OR51B5: variants seen among roughly 807,000 people sequenced by gnomAD.
OR51B5 encodes olfactory receptor 51B5.
For synonymous variants in OR51B5, 186 were observed against 144.8 expected (o/e 1.28, Z -2.04); for missense variants, 456 against 374.6 (o/e 1.22, Z -1.79).
intron 1 of OR51B5, among the ~76,000 whole-genome samples, chr11:5,465,221 A>AG (rs1851121638): frequency 6.6e-6 from 1 of 150,514 alleles, no homozygotes; most frequent in East Asian, 1.9e-4. Context: ...AAAAAAAAAA[A>AG]AAAAAAAAAG....
intron 1 of OR51B5, among the ~76,000 whole-genome samples, chr11:5,444,713 C>T (rs144033720): frequency 7.2e-4 from 110 of 152,192 alleles, no homozygotes; most frequent in African/African-American, 2.4e-3. Context: ...ATGAGCCCTC[C>T]AGAACACCAA....
At chr11:5,369,412 C>A (rs976896788) in intron 1 of OR51B5, among the ~76,000 whole-genome samples, 1 of 152,060 alleles carries the variant, frequency 6.6e-6, no homozygotes, top group African/African-American at 2.4e-5. Flanking sequence ...AGAATTACAT[C>A]TATTATACCT....
At chr11:5,376,604 C>T (rs185376145) in intron 1 of OR51B5, among the ~76,000 whole-genome samples, 4 of 151,886 alleles carry the variant, frequency 2.6e-5, no homozygotes, top group Admixed American at 2.0e-4. Flanking sequence ...CAAATAGACA[C>T]AATAAAAAAA....
At chr11:5,445,498 A>G (rs1389176322) in intron 1 of OR51B5, among the ~76,000 whole-genome samples, 4 of 152,068 alleles carry the variant, frequency 2.6e-5, no homozygotes, top group Non-Finnish European at 4.4e-5. Context: ...AAACAGATAA[A>G]AACAGATTTT....
At chr11:5,380,774 T>C (rs552966558) in intron 1 of OR51B5, among the ~76,000 whole-genome samples, 1 of 152,300 alleles carries the variant, frequency 6.6e-6, no homozygotes, top group South Asian at 2.1e-4. Context: ...AAGATCATCC[T>C]CAAAGGAAGA....
chr11:5,363,297 A>G (rs918703989), intron 1 of OR51B5, among the ~76,000 whole-genome samples: 41 of 146,308 alleles, frequency 2.8e-4, no homozygotes, highest in African/African-American at 9.6e-4. Flanking sequence ...CGGTGAGTGG[A>G]CAGACATCGT....
intron 1 of OR51B5, among the ~76,000 whole-genome samples, chr11:5,414,026 C>G (rs1850193302): frequency 6.7e-6 from 1 of 149,296 alleles, no homozygotes; most frequent in South Asian, 2.2e-4. Flanking sequence ...TTAAGGGCAG[C>G]CAGAGAGAAA....
At chr11:5,424,835 A>G (rs1850419232) in intron 1 of OR51B5, among the ~76,000 whole-genome samples, 1 of 104,878 alleles carries the variant, frequency 9.5e-6, no homozygotes. Flanking sequence ...AGAAAAAATT[A>G]GCCGGGCGTG....
At chr11:5,415,025 G>A (rs1850217646) in intron 1 of OR51B5, among the ~76,000 whole-genome samples, 1 of 152,040 alleles carries the variant, frequency 6.6e-6, no homozygotes. Context: ...ATAGTTGGCA[G>A]TAAAGCTCTC....
chr11:5,499,140 T>A (rs1370070759), intron 1 of OR51B5, among the ~76,000 whole-genome samples: 1 of 152,212 alleles, frequency 6.6e-6, no homozygotes, highest in Non-Finnish European at 1.5e-5. Flanking sequence ...TTCAACTGCT[T>A]GACCTTCTGA....
intron 1 of OR51B5, among the ~76,000 whole-genome samples, chr11:5,472,741 C>T (rs1002729165): frequency 2.0e-5 from 3 of 152,216 alleles, no homozygotes; most frequent in Admixed American, 1.3e-4. Context: ...AGGAAGAATC[C>T]ATTCAGTAAG....
intron 1 of OR51B5, among the ~76,000 whole-genome samples, chr11:5,502,108 G>A (rs1283404157): frequency 1.3e-5 from 2 of 152,030 alleles, no homozygotes; most frequent in African/African-American, 4.8e-5. Flanking sequence ...TCATACACAC[G>A]TCAGGAACCC....
At position 5,403,408 on chromosome 11, in the gene OR51B5, C is replaced by T. The variant is rs183738872; in HGVS notation, n.85-56498G>A. On this transcript the variant is annotated intron_variant and non_coding_transcript_variant, in intron 1 of 4. Coordinates refer to the OR51B5 transcript ENST00000415970. ...GTGCACCGCCTTGGACATCGTGTGTCCCCTCTGCTGCAAGCCATGATGGCC... is the reference window on the plus strand; with the variant it reads ...GTGCACCGCCTTGGACATCGTGTGTTCCCTCTGCTGCAAGCCATGATGGCC... 760 of 471,374 alleles carry T rather than the reference C, an allele frequency of 1.6e-3. 5 individuals carry two copies. Among genetic ancestry groups the T allele is most frequent in the Middle Eastern group, 2.9e-3 (9 of 3,078 alleles). 29.2% of individuals were successfully genotyped at this position (471,374 alleles called of 1,614,324 possible).
chr11:5,449,009 C>T (rs1057054843), intron 1 of OR51B5, among the ~76,000 whole-genome samples: 6 of 152,174 alleles, frequency 3.9e-5, no homozygotes, highest in African/African-American at 1.2e-4. Flanking sequence ...CTGATTGCAC[C>T]TCAATTGATG....
At chr11:5,422,225 C>G in intron 1 of OR51B5, 1 of 1,611,980 alleles carries the variant, frequency 6.2e-7, no homozygotes. Context: ...TAACACCACA[C>G]AAGAAGGCAT....
intron 1 of OR51B5, among the ~76,000 whole-genome samples, chr11:5,412,706 G>C (rs1207921467): frequency 6.6e-6 from 1 of 152,148 alleles, no homozygotes; most frequent in Non-Finnish European, 1.5e-5. Context: ...AGCAGTCTGC[G>C]ATCAAACTGC....
chr11:5,467,769 T>G (rs1461855449), intron 1 of OR51B5, among the ~76,000 whole-genome samples: 3 of 152,264 alleles, frequency 2.0e-5, no homozygotes, highest in Non-Finnish European at 4.4e-5. Flanking sequence ...CCAACTATGC[T>G]GCCAAGCAAC....
chr11:5,405,100 C>A (rs974083402), intron 1 of OR51B5, among the ~76,000 whole-genome samples: 1 of 152,138 alleles, frequency 6.6e-6, no homozygotes, highest in Non-Finnish European at 1.5e-5. Context: ...TGCTCTTTTG[C>A]AGGCATTTAA....
rs180901435 is a variant in OR51B5, at chr11:5,475,771, C to A, written n.84+29798G>T. On this transcript the variant is annotated intron_variant and non_coding_transcript_variant, in intron 1 of 4. Transcript: ENST00000415970. ...TGATGTTTAGCAAATATTAGGCATA[C>A]AACTAATATTTTTGCCATAACCAAA... Among the ~76,000 whole-genome samples, 7 of 152,264 alleles carry A rather than the reference C, an allele frequency of 4.6e-5. No individual in the cohort carries two copies. The East Asian group carries it at 1.4e-3, about 29-fold the overall frequency.
Sources: allele counts gnomAD v4.1 joint callset (sites outside exome capture counted in the v4.1 genomes callset), GRCh38; gene constraint gnomAD v4.1.1; transcripts MANE v1.5; gene names NCBI Gene and HGNC (gene_info 2026-07-23, HGNC 2026-07-21).